Variants in ECT2 observed in about 807,000 individuals in gnomAD.
ECT2 encodes epithelial cell transforming 2.
In ECT2, 61 loss-of-function variants were observed where a neutral mutation model predicts 116.9. That is an observed-to-expected ratio of 0.52 (90% CI 0.42 to 0.65). The LOEUF (loss-of-function observed/expected upper bound fraction) is 0.65. ECT2 is among the 30% of genes least tolerant of loss of function. The pLI is 0.00. For missense variants in ECT2, 937 were observed against 1,078.7 expected, an observed-to-expected ratio of 0.87 and a Z score of 1.84; for synonymous variants, 358 against 346.4, an observed-to-expected ratio of 1.03 and a Z score of -0.37.
chr3:172,826,617 C>A, the ECT2 span, among the ~76,000 whole-genome samples: 2 of 152,302 alleles, frequency 1.3e-5, no homozygotes, highest in African/African-American at 4.8e-5. Flanking sequence ...AAAATGCTAT[C>A]AACAGCACTG....
rs1214702933 is a variant in ECT2 at position 172,757,229 on chromosome 3, A to G, written c.486+64A>G. On this transcript the variant is annotated intron_variant, in intron 5 of 24. Coordinates refer to ENST00000392692, the MANE Select transcript of ECT2 (RefSeq NM_001258315.2). ...TTTTTATTAATGAATTTTAATTAGC[A>G]AAAAATTTATTTGGAAAAATCTCAT... 5.7e-5 allele frequency: 70 copies of G among 1,235,132 alleles called. No homozygotes were observed. The South Asian group carries it at 1.5e-3, about 27-fold the overall frequency. 76.5% of individuals were successfully genotyped at this position (1,235,132 alleles called of 1,614,324 possible). A position where few individuals can be genotyped will look rare whatever the true frequency, so the allele number is the denominator to read the frequency against.
At chr3:172,824,192 CTT>C (rs1426979760), downstream of ECT2, among the ~76,000 whole-genome samples, 7 of 152,190 alleles carry the variant, frequency 4.6e-5, no homozygotes, top group African/African-American at 1.7e-4. Flanking sequence ...GTGTATTAGT[CTT>C]TTCTTGCACT....
intron 20 of ECT2, 96 bp from the exon 21 acceptor site, chr3:172,805,635 A>G (rs1038188607): frequency 1.8e-5 from 21 of 1,184,292 alleles, no homozygotes; most frequent in Non-Finnish European, 2.5e-5. Flanking sequence ...AATAAGTTAT[A>G]TATAGATTTA....
In ECT2 at chr3:172,802,906, A is replaced by G. The variant is rs1323784615; in HGVS notation, c.2032A>G (p.Thr678Ala). ...CCGAAGCTTAGTACAGCGGGTTGAA[A>G]CAATTTCTCTAGGTGAGCACCCCTG... is the stretch of plus-strand genomic sequence containing the variant. ...SHRSLVQRVETISLGEHPCDR... is the reference protein window; with the variant it reads ...SHRSLVQRVEAISLGEHPCDR... The change falls in exon 20 of 25, where the codon ACA (threonine) becomes GCA (alanine). Residue 678 changes from threonine to alanine, a missense_variant. Coordinates refer to ENST00000392692, the MANE Select transcript of ECT2 (RefSeq NM_001258315.2). The G allele has an allele frequency of 1.9e-6, 3 of 1,613,392 alleles. No homozygotes were observed. Among genetic ancestry groups the G allele is most frequent in the Non-Finnish European group, 2.5e-6 (3 of 1,179,582 alleles).
rs76849119 is a variant in ECT2, at chr3:172,805,515, C to G, written c.2107-216C>G. Among the ~76,000 whole-genome samples the G allele has an allele frequency of 0.02, 3,098 of 152,126 alleles. 105 individuals are homozygous for G. Among genetic ancestry groups the G allele is most frequent in the African/African-American group, 0.07 (2,911 of 41,496 alleles). Reference sequence around the variant, plus strand: ...AATATCCCTTGGCCTTTTTTCCTGACTTTTGAACTCTTCTTATATAAACAT... The same window carrying G: ...AATATCCCTTGGCCTTTTTTCCTGAGTTTTGAACTCTTCTTATATAAACAT... On this transcript the variant is annotated intron_variant, in intron 20 of 24. Transcript: ENST00000392692.
At chr3:172,759,334 A>T (rs1336132171) in intron 6 of ECT2, among the ~76,000 whole-genome samples, 1 of 152,178 alleles carries the variant, frequency 6.6e-6, no homozygotes, top group African/African-American at 2.4e-5. Flanking sequence ...CATATTGGCT[A>T]CGTTGGTTAT....
chr3:172,790,876 C>T (rs1260194519), intron 18 of ECT2, among the ~76,000 whole-genome samples: 1 of 152,170 alleles, frequency 6.6e-6, no homozygotes, highest in Non-Finnish European at 1.5e-5. Context: ...TTAGCAGGGC[C>T]GGATGCAGTG....
chr3:172,791,435 A>G (rs1724644697), intron 18 of ECT2, among the ~76,000 whole-genome samples: 1 of 152,196 alleles, frequency 6.6e-6, no homozygotes, highest in Non-Finnish European at 1.5e-5. Context: ...TTTTGTCTAC[A>G]CTGAAAATCT....
chr3:172,761,686 A>G lies in ECT2; in HGVS notation c.758+3A>G. On this transcript the variant is annotated splice_donor_region_variant and intron_variant, in intron 8 of 24. Coordinates refer to ENST00000392692, the MANE Select transcript of ECT2 (RefSeq NM_001258315.2). ...GCTTGGGAAAGGCGGAATGAACAGT[A>G]AGTGTTTAGAAACTCAGTAGTTCAT... The G allele has an allele frequency of 6.3e-7, 1 of 1,592,734 alleles. No individual in the cohort carries two copies. Among genetic ancestry groups the G allele is most frequent in the Non-Finnish European group, 8.6e-7 (1 of 1,162,702 alleles).
At chr3:172,793,398 C>G (rs1435065258) in intron 18 of ECT2, among the ~76,000 whole-genome samples, 1 of 152,044 alleles carries the variant, frequency 6.6e-6, no homozygotes, top group East Asian at 1.9e-4. Context: ...CTCCTGACCT[C>G]GTAATCCACC....
chr3:172,754,528 A>C lies in ECT2; in HGVS notation c.-3A>C, dbSNP rs1401771310. The C allele has an allele frequency of 6.3e-7, 1 of 1,591,604 alleles. No individual in the cohort carries two copies. Among genetic ancestry groups the C allele is most frequent in the South Asian group, 1.2e-5 (1 of 86,286 alleles). Reference sequence around the variant, plus strand: ...TTTCAGCTGATTTAGAAGAATACAAATCATGGCTGAAAATAGTGTATTAAC... The same window carrying C: ...TTTCAGCTGATTTAGAAGAATACAACTCATGGCTGAAAATAGTGTATTAAC... On this transcript the variant is annotated 5_prime_UTR_variant, in exon 2 of 25. Transcript: ENST00000392692.
chr3:172,812,706 G>A (rs986965519), intron 22 of ECT2, among the ~76,000 whole-genome samples: 1 of 151,986 alleles, frequency 6.6e-6, no homozygotes, highest in African/African-American at 2.4e-5. Flanking sequence ...CCATATCACT[G>A]TTTTCTTTAA....
downstream of ECT2, among the ~76,000 whole-genome samples, chr3:172,825,010 T>G (rs1560043186): frequency 6.6e-6 from 1 of 152,210 alleles, no homozygotes; most frequent in Non-Finnish European, 1.5e-5. Context: ...GACTAGAGAT[T>G]TGTAGCAATG....
intron 18 of ECT2, among the ~76,000 whole-genome samples, chr3:172,789,638 T>C (rs1296230284): frequency 6.6e-6 from 1 of 152,218 alleles, no homozygotes; most frequent in Non-Finnish European, 1.5e-5. Context: ...TTGGGGTCAC[T>C]TCTCTTAGAT....
At chr3:172,770,799 A>G (rs1576891642) in intron 13 of ECT2, among the ~76,000 whole-genome samples, 1 of 152,212 alleles carries the variant, frequency 6.6e-6, no homozygotes, top group African/African-American at 2.4e-5. Flanking sequence ...TAATTAATAT[A>G]AAGTACTGTG....
At chr3:172,779,659 A>T (rs1417468181) in intron 14 of ECT2, among the ~76,000 whole-genome samples, 1 of 152,200 alleles carries the variant, frequency 6.6e-6, no homozygotes, top group Non-Finnish European at 1.5e-5. Context: ...TAATCCCAGC[A>T]CTTTGGAAGG....
At chr3:172,777,860 C>T (rs562505181) in intron 14 of ECT2, among the ~76,000 whole-genome samples, 1 of 152,332 alleles carries the variant, frequency 6.6e-6, no homozygotes, top group Non-Finnish European at 1.5e-5. Context: ...GATCATGCCA[C>T]TACACTCCAG....
chr3:172,762,782 G>T lies in ECT2; in HGVS notation c.981G>T (p.Lys327Asn). ...IVKDLPFEPS[K>N]KLYVVKQEWF... ...AAGATCTTCCCTTTGAACCTTCAAA[G>T]AAACTTTATGTTGTCAAGCAAGAGG... Residue 327 changes from lysine (K) to asparagine (N), a missense_variant, in exon 10 of 25, where the codon AAG becomes AAT. Lys to Asn is a moderately conservative substitution (Grantham distance 94, BLOSUM62 0). Coordinates refer to ENST00000392692, the MANE Select transcript of ECT2 (RefSeq NM_001258315.2). 6.2e-7 allele frequency: 1 copy of T among 1,612,798 alleles called. No homozygotes were observed. The highest frequency in any genetic ancestry group is 8.5e-7 in the Non-Finnish European group (1 of 1,179,548).
intron 4 of ECT2, among the ~76,000 whole-genome samples, chr3:172,755,793 C>T (rs1209432541): frequency 3.3e-5 from 5 of 152,092 alleles, no homozygotes; most frequent in South Asian, 2.1e-4. Context: ...TTATAAATCA[C>T]GGTAATTTAT....
Sources: allele counts gnomAD v4.1 joint callset (sites outside exome capture counted in the v4.1 genomes callset), GRCh38; gene constraint gnomAD v4.1.1; transcripts MANE v1.5; gene names NCBI Gene and HGNC (gene_info 2026-07-23, HGNC 2026-07-21).